UBR3: variants seen among roughly 807,000 people sequenced by gnomAD.
The protein encoded by UBR3 is ubiquitin protein ligase E3 component n-recognin 3.
Under a neutral mutation model 243.2 loss-of-function variants are expected in UBR3, and 85 were observed. The ratio of observed to expected loss-of-function variants is 0.35; its 90% CI spans 0.29 to 0.42. The LOEUF (loss-of-function observed/expected upper bound fraction) is 0.42. Among genes scored for constraint, UBR3 ranks in the 10% least tolerant of loss-of-function variants. The pLI is 1.00. For synonymous variants in UBR3, 748 were observed against 799.8 expected, an observed-to-expected ratio of 0.94 and a Z score of 1.09; for missense variants, 1,686 against 2,300.8, an observed-to-expected ratio of 0.73 and a Z score of 5.47.
At chr2:169,896,486 T>A in intron 7 of UBR3, 21 bp from the exon 8 acceptor site, 1 of 1,431,488 alleles carries the variant, frequency 7.0e-7, no homozygotes, top group African/African-American at 1.4e-5. Context: ...TGTTTTTTCC[T>A]TTCTATTAAA....
chr2:169,996,738 G>T (rs55680420), intron 26 of UBR3, among the ~76,000 whole-genome samples: 13,335 of 135,980 alleles, frequency 0.098, 735 homozygotes, highest in African/African-American at 0.16. Flanking sequence ...CCATCGCCAG[G>T]CTAGAGTGCA....
At chr2:170,065,197 A>T (rs1314339937) in intron 35 of UBR3, among the ~76,000 whole-genome samples, 1 of 152,100 alleles carries the variant, frequency 6.6e-6, no homozygotes, top group Non-Finnish European at 1.5e-5. Flanking sequence ...CCCAAATCCT[A>T]CAAGATTTTG....
At chr2:169,891,987 C>T (rs886456303) in intron 6 of UBR3, among the ~76,000 whole-genome samples, 1 of 152,156 alleles carries the variant, frequency 6.6e-6, no homozygotes, top group Admixed American at 6.6e-5. Context: ...TAGAAAGTCT[C>T]CAGAGGCTAA....
Position 169,829,059 on chromosome 2 carries a change from C to G in UBR3, c.545+1007C>G, listed in dbSNP as rs78887079. On this transcript the variant is annotated intron_variant, in intron 1 of 38. Transcript: ENST00000272793. Reference sequence around the variant, plus strand: ...GTAGTTGAAAGAATATTAGCAACTACAGGTTGCTATCAGTTATTAAACTTC... The same window carrying G: ...GTAGTTGAAAGAATATTAGCAACTAGAGGTTGCTATCAGTTATTAAACTTC... 3.3e-5 allele frequency among the ~76,000 whole-genome samples: 5 copies of G among 152,302 alleles called. No individual in the cohort carries two copies. The East Asian group carries it at 9.6e-4, about 29-fold the overall frequency.
chr2:170,042,721 T>C (rs2090998920), intron 32 of UBR3, among the ~76,000 whole-genome samples: 1 of 122,952 alleles, frequency 8.1e-6, no homozygotes, highest in Non-Finnish European at 1.8e-5. Context: ...TTTTGAACAC[T>C]TTTTTTTTTT....
intron 1 of UBR3, among the ~76,000 whole-genome samples, chr2:169,858,399 A>G (rs1161583256): frequency 6.6e-6 from 1 of 151,994 alleles, no homozygotes; most frequent in African/African-American, 2.4e-5. Flanking sequence ...TTATTTTTTA[A>G]GAGACTGGGT....
In UBR3 at chr2:170,040,930, T is replaced by G; in HGVS notation, c.4605T>G (p.Asp1535Glu). The G allele has an allele frequency of 6.2e-7, 1 of 1,613,566 alleles. No individual in the cohort carries two copies. The highest frequency in any genetic ancestry group is 8.5e-7 in the Non-Finnish European group (1 of 1,179,730). ...CTGAGGTTCCAATTCTTTATCATGA[T>G]GTAACATCCCTTTTGCTCATCCAGA... ...QQPEVPILYH[D>E]VTSLLLIQIL... The change falls in exon 32 of 39, where the codon GAT becomes GAG. Residue 1535 changes from aspartate to glutamate, a missense_variant. Transcript: ENST00000272793.
In UBR3 at chr2:170,071,138, G is replaced by A. The variant is rs571178191; in HGVS notation, c.5020-2290G>A. The stretch of plus-strand genomic sequence containing the variant: ...TTCATTACTGATAGGAATGCAAAAC[G>A]GTATAGTCAATTTGGAAAAAGTTTG... On this transcript the variant is annotated intron_variant, in intron 35 of 38. Transcript: ENST00000272793. Among the ~76,000 whole-genome samples the A allele has an allele frequency of 1.8e-4, 28 of 152,186 alleles. No homozygotes were observed. In the South Asian group the frequency reaches 2.9e-3, roughly 16 times the overall value.
intron 10 of UBR3, among the ~76,000 whole-genome samples, chr2:169,912,570 G>A (rs1199273915): frequency 2.0e-5 from 3 of 152,080 alleles, no homozygotes; most frequent in African/African-American, 7.2e-5. Flanking sequence ...ATATTTCATT[G>A]TATGGATATA....
intron 24 of UBR3, among the ~76,000 whole-genome samples, chr2:169,959,244 G>A (rs911212588): frequency 3.9e-5 from 6 of 152,014 alleles, no homozygotes; most frequent in Admixed American, 2.6e-4. Context: ...CCAACTTCCT[G>A]AAGAAATGTA....
Position 169,827,515 on chromosome 2 carries a change from C to A in UBR3, c.8C>A (p.Ala3Glu). Residue 3 changes from alanine to glutamate, a missense_variant, in exon 1 of 39, where the codon GCG becomes GAG. Coordinates refer to ENST00000272793, the MANE Select transcript of UBR3 (RefSeq NM_172070.4). MA[A>E]AAAAAVGGQQ... ...AAATTCTGAGCTCTCATCATGGCGG[C>A]GGCGGCCGCGGCGGCCGTCGGGGGC... The A allele has an allele frequency of 8.2e-7, 1 of 1,224,412 alleles. No homozygotes were observed. The highest frequency in any genetic ancestry group is 3.2e-5 in the East Asian group (1 of 31,242). 75.8% of individuals were successfully genotyped at this position (1,224,412 alleles called of 1,614,324 possible). A position where few individuals can be genotyped will look rare whatever the true frequency, so the allele number is the denominator to read the frequency against.
intron 36 of UBR3, among the ~76,000 whole-genome samples, chr2:170,075,859 A>G (rs1190403308): frequency 6.6e-6 from 1 of 152,120 alleles, no homozygotes. Context: ...TTGTTTGGGA[A>G]CAACAAAATC....
rs2081781009 is a variant in UBR3, at chr2:169,827,565, C to T, written c.58C>T (p.Pro20Ser). 3.2e-6 allele frequency: 4 copies of T among 1,235,652 alleles called. No individual in the cohort carries two copies. Among genetic ancestry groups the T allele is most frequent in the East Asian group, 6.4e-5 (2 of 31,314 alleles). The allele number at this position is 1,235,652 out of a possible 1,614,324, so 76.5% of individuals were successfully genotyped here. A position where few individuals can be genotyped will look rare whatever the true frequency, so the allele number is the denominator to read the frequency against. Residue 20 changes from proline to serine, a missense_variant, in exon 1 of 39, where the codon CCC (proline) becomes TCC (serine). This residue lies in a region of UBR3 where 79 missense variants were observed against 73.2 expected (regional missense o/e 1.08). Coordinates refer to ENST00000272793, the MANE Select transcript of UBR3 (RefSeq NM_172070.4). The part of the protein sequence containing the change: ...GGQQPSQPEL[P>S]APGLALDKAA... ...CCAGCAGCCGTCACAGCCCGAGCTG[C>T]CCGCGCCGGGGCTGGCCCTAGACAA...
At chr2:169,945,728 C>T (rs544043863) in intron 20 of UBR3, among the ~76,000 whole-genome samples, 9 of 152,220 alleles carry the variant, frequency 5.9e-5, no homozygotes, top group Non-Finnish European at 1.2e-4. Flanking sequence ...GCCCAGAAAT[C>T]CTGTGTAAGA....
At chr2:169,972,046 A>C (rs182706970) in intron 24 of UBR3, among the ~76,000 whole-genome samples, 6,506 of 152,170 alleles carry the variant, frequency 0.043, 152 homozygotes, top group Middle Eastern at 0.061. Context: ...AAAAGAGAGA[A>C]GAATCAAATA....
At chr2:170,034,014 T>A (rs1021439647) in intron 31 of UBR3, among the ~76,000 whole-genome samples, 1 of 70,332 alleles carries the variant, frequency 1.4e-5, no homozygotes, top group African/African-American at 3.6e-5. Context: ...AAGACTTTGG[T>A]TTGTTTTTTT....
At chr2:170,020,604 CT>C (rs1245002108) in intron 30 of UBR3, among the ~76,000 whole-genome samples, 2 of 152,156 alleles carry the variant, frequency 1.3e-5, no homozygotes, top group Non-Finnish European at 1.5e-5. Flanking sequence ...AAATCTGGAG[CT>C]TTTCCCCCCT....
At chr2:169,859,696 T>TTTTA (rs140176382) in intron 1 of UBR3, among the ~76,000 whole-genome samples, 4,343 of 148,288 alleles carry the variant, frequency 0.029, 95 homozygotes, top group East Asian at 0.04. Flanking sequence ...ATTGCTGATA[T>TTTTA]TTTATTTATT....
intron 25 of UBR3, among the ~76,000 whole-genome samples, chr2:169,993,235 TATG>T (rs1036526317): frequency 4.9e-4 from 74 of 152,360 alleles, no homozygotes; most frequent in African/African-American, 1.7e-3. Context: ...ATAAATGTGA[TATG>T]ATATTTTGAC....
Sources: gnomAD v4.1 joint callset for allele counts (sites outside exome capture counted in the v4.1 genomes callset) on GRCh38, gnomAD v4.1.1 for gene constraint, gnomAD v4.1.1 regional missense constraint, MANE v1.5 for transcripts, NCBI Gene and HGNC (gene_info 2026-07-23, HGNC 2026-07-21) for gene names.